The following ARHGDIB variants were observed in gnomAD, a reference collection of about 807,000 sequenced individuals.
The protein encoded by ARHGDIB is rho GDP-dissociation inhibitor 2.
ARHGDIB carries 20 observed loss-of-function variants against 22.6 expected under a neutral mutation model. The observed-to-expected ratio is 0.88, with a 90% CI of 0.62 to 1.28. The LOEUF (loss-of-function observed/expected upper bound fraction) is 1.28. Among genes scored for constraint, ARHGDIB ranks in the 50% most tolerant of loss-of-function variants. ARHGDIB has a pLI of 0.00. For synonymous variants in ARHGDIB, 114 were observed against 96.1 expected (o/e 1.19, Z -1.09); for missense variants, 254 against 245.4 (o/e 1.04, Z -0.23).
intron 3 of ARHGDIB, among the ~76,000 whole-genome samples, chr12:14,949,499 T>C (rs535779732): frequency 3.3e-5 from 5 of 152,362 alleles, no homozygotes; most frequent in African/African-American, 1.2e-4. Flanking sequence ...TGTTTCTTAA[T>C]ATTTCCATCA....
At chr12:14,942,754 GC>G (rs1863900290) in intron 5 of ARHGDIB, 33 bp from the exon 6 acceptor site, 1 of 1,593,830 alleles carries the variant, frequency 6.3e-7, no homozygotes, top group African/African-American at 1.3e-5. Context: ...TAGGGTAAGA[GC>G]CTGATAGAGG....
intron 5 of ARHGDIB, among the ~76,000 whole-genome samples, chr12:14,944,461 C>CT (rs963427475): frequency 1.3e-5 from 2 of 151,538 alleles, no homozygotes; most frequent in African/African-American, 4.9e-5. Flanking sequence ...TGGTTGTTTA[C>CT]TTTGTAGAGT....
At chr12:14,948,745 G>A (rs559798542) in intron 3 of ARHGDIB, 1 of 152,350 alleles carries the variant, frequency 6.6e-6, no homozygotes, top group Non-Finnish European at 1.5e-5. Context: ...CTGCTGAAGA[G>A]AACAGATTTC....
At chr12:14,959,927 A>G (rs757092239) in intron 1 of ARHGDIB, among the ~76,000 whole-genome samples, 2 of 152,206 alleles carry the variant, frequency 1.3e-5, no homozygotes, top group Admixed American at 6.5e-5. Context: ...AGCTTGTGCT[A>G]TATCTGCTTT....
intron 5 of ARHGDIB, among the ~76,000 whole-genome samples, chr12:14,944,549 A>G (rs1028793200): frequency 1.3e-5 from 2 of 152,216 alleles, no homozygotes; most frequent in African/African-American, 4.8e-5. Flanking sequence ...GAATCCAAAA[A>G]GCTGACTGCT....
intron 3 of ARHGDIB, 88 bp downstream of exon 3, chr12:14,949,714 T>C: frequency 8.4e-7 from 1 of 1,189,786 alleles, no homozygotes; most frequent in Non-Finnish European, 1.3e-6. Context: ...GATTCACCAG[T>C]TTTCTTCTGT....
intron 1 of ARHGDIB, among the ~76,000 whole-genome samples, chr12:14,959,523 G>A (rs1260608698): frequency 6.6e-6 from 1 of 152,224 alleles, no homozygotes; most frequent in Non-Finnish European, 1.5e-5. Context: ...CACATAGAAG[G>A]CACTCAATGA....
At chr12:14,953,655 C>T (rs998293312) in intron 1 of ARHGDIB, among the ~76,000 whole-genome samples, 1 of 151,874 alleles carries the variant, frequency 6.6e-6, no homozygotes, top group Non-Finnish European at 1.5e-5. Flanking sequence ...CAGATAAACC[C>T]ATGACATTGT....
In ARHGDIB at chr12:14,947,673, C is replaced by T. The variant is rs932140372; in HGVS notation, c.342+200G>A. 5.4e-6 allele frequency: 3 copies of T among 555,360 alleles called. No homozygotes were observed. In the African/African-American group the frequency reaches 5.7e-5, roughly 11 times the overall value. 34.4% of individuals were successfully genotyped at this position (555,360 alleles called of 1,614,324 possible). A position where few individuals can be genotyped will look rare whatever the true frequency, so the allele number is the denominator to read the frequency against. On this transcript the variant is annotated intron_variant, in intron 4 of 5. Coordinates refer to ENST00000228945, the MANE Select transcript of ARHGDIB (RefSeq NM_001175.7). ...GAGATAATGAAGAGTTTAAGAAGTCCTGGCTAGGAAAAGACAGGAGGCAAA... is the reference window on the plus strand; with the variant it reads ...GAGATAATGAAGAGTTTAAGAAGTCTTGGCTAGGAAAAGACAGGAGGCAAA...
At chr12:14,956,539 A>G (rs1171598747) in intron 1 of ARHGDIB, among the ~76,000 whole-genome samples, 2 of 152,206 alleles carry the variant, frequency 1.3e-5, no homozygotes, top group African/African-American at 2.4e-5. Flanking sequence ...CCTATTCTAC[A>G]AAGGGCAGAG....
intron 4 of ARHGDIB, among the ~76,000 whole-genome samples, chr12:14,946,619 C>T (rs369618059): frequency 2.6e-5 from 4 of 152,266 alleles, no homozygotes; most frequent in African/African-American, 9.6e-5. Flanking sequence ...CCTCCTCCTG[C>T]ATCATCCTAA....
intron 4 of ARHGDIB, among the ~76,000 whole-genome samples, chr12:14,945,065 T>C (rs1269028283): frequency 1.3e-5 from 2 of 152,232 alleles, no homozygotes; most frequent in Non-Finnish European, 2.9e-5. Flanking sequence ...ATCGAACATT[T>C]TGATTTTTAC....
chr12:14,945,209 T>A (rs983855494), intron 4 of ARHGDIB, among the ~76,000 whole-genome samples: 1 of 152,198 alleles, frequency 6.6e-6, no homozygotes, highest in Non-Finnish European at 1.5e-5. Flanking sequence ...ACCATCCTTG[T>A]CTTAGGAAAA....
At chr12:14,957,145 C>T (rs1020916127) in intron 1 of ARHGDIB, among the ~76,000 whole-genome samples, 2 of 152,160 alleles carry the variant, frequency 1.3e-5, no homozygotes, top group African/African-American at 4.8e-5. Flanking sequence ...GGATTCAAAA[C>T]CAGGCTCTGC....
In ARHGDIB at chr12:14,942,433, C is replaced by A. The variant is rs1161871095; in HGVS notation, c.*89G>T. On this transcript the variant is annotated 3_prime_UTR_variant, in exon 6 of 6. Coordinates refer to ENST00000228945, the MANE Select transcript of ARHGDIB (RefSeq NM_001175.7). ...AATGTGGCAGTGTTGAAGAGGGACC[C>A]AGCTGTGGACAGGGAGGAGGGACAG... The A allele has an allele frequency of 1.2e-5, 17 of 1,406,322 alleles. No individual in the cohort carries two copies. The highest frequency in any genetic ancestry group is 2.3e-5 in the East Asian group (1 of 43,494). The allele number at this position is 1,406,322 out of a possible 1,614,324, so 87.1% of individuals were successfully genotyped here. A position where few individuals can be genotyped will look rare whatever the true frequency, so the allele number is the denominator to read the frequency against.
chr12:14,949,940 G>A, intron 2 of ARHGDIB, 55 bp from the exon 3 acceptor site: 1 of 1,458,322 alleles, frequency 6.9e-7, no homozygotes, highest in Non-Finnish European at 9.5e-7. Flanking sequence ...TATAGTGGGT[G>A]TGTGCATTTC....
intron 1 of ARHGDIB, among the ~76,000 whole-genome samples, chr12:14,952,356 A>T (rs1484371820): frequency 6.6e-6 from 1 of 152,042 alleles, no homozygotes; most frequent in African/African-American, 2.4e-5. Context: ...TAAGCAGCCA[A>T]ACATTATGAG....
Position 14,942,644 on chromosome 12 carries a change from C to T in ARHGDIB, c.484G>A (p.Ala162Thr). The T allele has an allele frequency of 1.2e-6, 2 of 1,614,118 alleles. No individual in the cohort carries two copies. The highest frequency in any genetic ancestry group is 1.1e-5 in the South Asian group (1 of 91,088). ...CCTCGCGCCAGCATGCCCTTGGGAG[C>T]CTCCTCAACTGGAGTGAGGAACTCA... ...EYEFLTPVEE[A>T]PKGMLARGTY... The change falls in exon 6 of 6, where the codon GCT becomes ACT. Residue 162 changes from alanine to threonine, a missense_variant. Transcript: ENST00000228945.
In ARHGDIB at chr12:14,947,919, A is replaced by G. The variant is rs748286379; in HGVS notation, c.296T>C (p.Ile99Thr). 1.9e-6 allele frequency: 3 copies of G among 1,613,182 alleles called. No homozygotes were observed. Among genetic ancestry groups the G allele is most frequent in the South Asian group, 1.1e-5 (1 of 91,062 alleles). The change falls in exon 4 of 6, where the codon ATT becomes ACT. Residue 99 changes from isoleucine to threonine, a missense_variant. By Grantham distance (89) the Ile-to-Thr change is moderately conservative. Coordinates refer to ENST00000228945, the MANE Select transcript of ARHGDIB (RefSeq NM_001175.7). ...ATATTCAGAACCTTCCTTTAACACA[A>G]TGGTTTCCTTTTTGAGGGCTTCCAG... ...GDLEALKKET[I>T]VLKEGSEYRV...
Sources: gnomAD v4.1 joint callset for allele counts (sites outside exome capture counted in the v4.1 genomes callset) on GRCh38, gnomAD v4.1.1 for gene constraint, MANE v1.5 for transcripts, NCBI Gene and HGNC (gene_info 2026-07-23, HGNC 2026-07-21) for gene names.